RPL12: variants seen among roughly 807,000 people sequenced by gnomAD.
RPL12 encodes the protein ribosomal protein L12, also known as large ribosomal subunit protein uL11.
A neutral mutation model predicts 24.5 loss-of-function variants in RPL12; 10 were observed. The ratio of observed to expected loss-of-function variants is 0.41; its 90% CI spans 0.25 to 0.69. RPL12 has a LOEUF of 0.69. RPL12 is among the 30% of genes least tolerant of loss of function. The probability of loss-of-function intolerance (pLI) is 0.33; values close to 1 mark genes in which losing one functional copy is unlikely to be tolerated. For synonymous variants in RPL12, 74 were observed against 76.1 expected (o/e 0.97, Z 0.14); for missense variants, 137 against 205.3 (o/e 0.67, Z 2.03).
chr9:127,449,903 T>TG, intron 2 of RPL12, 195 bp from the exon 3 acceptor site: 1 of 588,250 alleles, frequency 1.7e-6, no homozygotes, highest in Middle Eastern at 2.6e-4. Flanking sequence ...ACTGCAGACT[T>TG]GGCCACAATG....
At chr9:127,449,777 C>T (rs1467979677) in intron 2 of RPL12, 69 bp from the exon 3 acceptor site, 33 of 1,234,616 alleles carry the variant, frequency 2.7e-5, no homozygotes, top group African/African-American at 3.0e-5. Flanking sequence ...CTGCCCACCA[C>T]TTCTCACTTG....
rs1353759942 is a variant in RPL12 at position 127,449,595 on chromosome 9, A to C, written c.210+15T>G. 1.9e-6 allele frequency: 3 copies of C among 1,611,840 alleles called. No homozygotes were observed. The highest frequency in any genetic ancestry group is 2.5e-6 in the Non-Finnish European group (3 of 1,177,962). On this transcript the variant is annotated intron_variant, in intron 3 of 6. Coordinates refer to ENST00000361436, the MANE Select transcript of RPL12 (RefSeq NM_000976.4). Reference sequence around the variant, plus strand: ...CCCCCACCCTCCTCTCCCGAAACCAAGCACAAGCAAATACCTGGGCCTGTC... The same window carrying C: ...CCCCCACCCTCCTCTCCCGAAACCACGCACAAGCAAATACCTGGGCCTGTC...
At chr9:127,450,994 C>A (rs1588085788) in intron 1 of RPL12, 190 bp from the exon 2 acceptor site, 2 of 638,218 alleles carry the variant, frequency 3.1e-6, no homozygotes, top group East Asian at 2.9e-5. Context: ...GTGGAGAGAG[C>A]CCCGTCGCCC....
chr9:127,448,951 C>T (rs1453435184), intron 4 of RPL12, among the ~76,000 whole-genome samples: 1 of 152,040 alleles, frequency 6.6e-6, no homozygotes, highest in African/African-American at 2.4e-5. Context: ...CCTGCCTCAG[C>T]CGTCTGAGTA....
At chr9:127,450,549 C>T in intron 2 of RPL12, 182 bp downstream of exon 2, 8 of 548,494 alleles carry the variant, frequency 1.5e-5, no homozygotes. Flanking sequence ...AATTTAAAGG[C>T]ACCAGGTTCG....
chr9:127,449,563 A>G (rs1402099651), intron 3 of RPL12, 47 bp downstream of exon 3: 2 of 1,513,482 alleles, frequency 1.3e-6, no homozygotes, highest in Non-Finnish European at 1.8e-6. Flanking sequence ...GAGGGTTGCT[A>G]CCTGTCCCCC....
rs576186607 is a variant in RPL12, at chr9:127,451,362, G to A, written c.-45C>T. On this transcript the variant is annotated 5_prime_UTR_variant, in exon 1 of 7. Transcript: ENST00000361436. ...GGATGAACCCGGATTCGGGACGACCGAAGGAAGTTGCACCTTGGCCTCCTC... is the reference window on the plus strand; with the variant it reads ...GGATGAACCCGGATTCGGGACGACCAAAGGAAGTTGCACCTTGGCCTCCTC... The A allele has an allele frequency of 2.7e-5, 44 of 1,610,110 alleles. No homozygotes were observed. The highest frequency in any genetic ancestry group is 2.6e-4 in the South Asian group (24 of 90,878).
At chr9:127,451,163 C>G in intron 1 of RPL12, 118 bp downstream of exon 1, 1 of 1,385,788 alleles carries the variant, frequency 7.2e-7, no homozygotes. Flanking sequence ...CGGCGCAACA[C>G]CGGGAAGGTC....
At chr9:127,450,599 T>C in intron 2 of RPL12, 132 bp downstream of exon 2, 3 of 635,708 alleles carry the variant, frequency 4.7e-6, no homozygotes, top group Non-Finnish European at 8.1e-6. Context: ...CTAGTACTTG[T>C]TCAGTGGCTC....
chr9:127,449,580 C>T, intron 3 of RPL12, 30 bp downstream of exon 3: 1 of 1,589,866 alleles, frequency 6.3e-7, no homozygotes, highest in African/African-American at 1.3e-5. Context: ...CCCCCACCCT[C>T]CTCTCCCGAA....
At chr9:127,448,289 G>A (rs769696609) in intron 5 of RPL12, 48 bp downstream of exon 5, 3 of 1,445,354 alleles carry the variant, frequency 2.1e-6, no homozygotes, top group Non-Finnish European at 2.9e-6. Context: ...ATCACTCAGT[G>A]AAAAACACAA....
intron 4 of RPL12, chr9:127,449,069 C>G (rs962148904): frequency 2.1e-6 from 1 of 483,356 alleles, no homozygotes; most frequent in Non-Finnish European, 3.8e-6. Flanking sequence ...TCAACTGATC[C>G]ACCCGCCTCA....
chr9:127,450,100 C>A, intron 2 of RPL12: 1 of 209,068 alleles, frequency 4.8e-6, no homozygotes, highest in Non-Finnish European at 9.8e-6. Flanking sequence ...TAATCCTTAG[C>A]CTCAACAGGA....
intron 5 of RPL12, 33 bp downstream of exon 5, chr9:127,448,304 A>AT: frequency 2.6e-6 from 4 of 1,510,500 alleles, no homozygotes; most frequent in Non-Finnish European, 3.7e-6. Flanking sequence ...ACACAACTAC[A>AT]GTTATGGCGG....
intron 3 of RPL12, 21 bp downstream of exon 3, chr9:127,449,582 TCTCCCGA>T: frequency 6.4e-7 from 1 of 1,561,420 alleles, no homozygotes; most frequent in East Asian, 2.2e-5. Context: ...CCCACCCTCC[TCTCCCGA>T]AACCAAGCAC....
At chr9:127,448,667 A>G (rs2247573) in intron 4 of RPL12, 416,463 of 717,862 alleles carry the variant, frequency 0.58, 123,259 homozygotes, top group Admixed American at 0.65. Context: ...CAAATCTGAC[A>G]TGGCAGAAAC....
At chr9:127,451,197 G>GCC (rs1834301881) in intron 1 of RPL12, 84 bp downstream of exon 1, 1 of 1,545,598 alleles carries the variant, frequency 6.5e-7, no homozygotes, top group East Asian at 2.3e-5. Flanking sequence ...GGCTTTAAGA[G>GCC]CCCCATACGG....
intron 5 of RPL12, 41 bp downstream of exon 5, chr9:127,448,296 A>G (rs1187136041): frequency 6.8e-7 from 1 of 1,479,988 alleles, no homozygotes; most frequent in Non-Finnish European, 9.5e-7. Flanking sequence ...AGTGAAAAAC[A>G]CAACTACAGT....
rs770311376 is a variant in RPL12, at chr9:127,451,393, C to G, written c.-76G>C. 2.8e-5 allele frequency: 45 copies of G among 1,586,472 alleles called. No homozygotes were observed. Among genetic ancestry groups the G allele is most frequent in the Non-Finnish European group, 3.7e-5 (43 of 1,162,798 alleles). ...AGTTGCACCTTGGCCTCCTCCGAGC[C>G]GAAAGCCGAGAGGCCGGAAATCGCG... On this transcript the variant is annotated 5_prime_UTR_variant, in exon 1 of 7. Transcript: ENST00000361436.
Sources: allele counts gnomAD v4.1 joint callset (sites outside exome capture counted in the v4.1 genomes callset), GRCh38; gene constraint gnomAD v4.1.1; transcripts MANE v1.5; gene names NCBI Gene and HGNC (gene_info 2026-07-23, HGNC 2026-07-21).